COG3: variants seen among roughly 807,000 people sequenced by gnomAD.
COG3 encodes conserved oligomeric Golgi complex subunit 3.
Under a neutral mutation model 114.1 loss-of-function variants are expected in COG3, and 32 were observed. That is an observed-to-expected ratio of 0.28 (90% CI 0.21 to 0.38). The LOEUF (loss-of-function observed/expected upper bound fraction) is 0.38. COG3 is among the 10% of genes least tolerant of loss of function. COG3 has a pLI of 1.00. For missense variants in COG3, 813 were observed against 973.2 expected (o/e 0.84, Z 2.19); for synonymous variants, 352 against 365.7 (o/e 0.96, Z 0.43).
chr13:45,494,429 A>G (rs141618686), intron 12 of COG3, among the ~76,000 whole-genome samples: 18 of 151,984 alleles, frequency 1.2e-4, no homozygotes, highest in African/African-American at 4.1e-4. Context: ...TACTCTTCCA[A>G]AGTTACTCAA....
chr13:45,525,812 A>G (rs1872629177), intron 20 of COG3, among the ~76,000 whole-genome samples: 1 of 151,662 alleles, frequency 6.6e-6, no homozygotes, highest in Non-Finnish European at 1.5e-5. Flanking sequence ...CTTTGAAACT[A>G]AAATGGGCAA....
rs115403285 is a variant in COG3 at position 45,506,959 on chromosome 13, G to T, written c.1595-2733G>T. Among the ~76,000 whole-genome samples the T allele has an allele frequency of 5.9e-3, 903 of 152,322 alleles. 9 individuals carry two copies. Among genetic ancestry groups the T allele is most frequent in the African/African-American group, 0.021 (857 of 41,574 alleles). ...TTGTTCTGTATGTAGAGCAAGTAAG[G>T]GGGAGGTGAGGCCCGTGGAGGACGA... On this transcript the variant is annotated intron_variant, in intron 14 of 22. Coordinates refer to ENST00000349995, the MANE Select transcript of COG3 (RefSeq NM_031431.4).
rs79367653 is a variant in COG3, at chr13:45,509,820, C to T, written c.1719+4C>T. On this transcript the variant is annotated splice_donor_region_variant and intron_variant, in intron 15 of 22. Coordinates refer to ENST00000349995, the MANE Select transcript of COG3 (RefSeq NM_031431.4). ...CAAATTATACAGATGCATAGATGTA[C>T]GTGTATCTTTACTGTGAATTGCTCG... 54 of 1,596,478 alleles carry T rather than the reference C, an allele frequency of 3.4e-5. No individual in the cohort carries two copies. The Admixed American group carries it at 3.9e-4, about 12-fold the overall frequency.
In COG3 at chr13:45,515,388, A is replaced by G. The variant is rs535929566; in HGVS notation, c.1810-755A>G. 1.5e-3 allele frequency among the ~76,000 whole-genome samples: 233 copies of G among 152,362 alleles called. 2 individuals carry two copies. Among genetic ancestry groups the G allele is most frequent in the African/African-American group, 4.5e-3 (188 of 41,590 alleles). On this transcript the variant is annotated intron_variant, in intron 16 of 22. Transcript: ENST00000349995. ...CCTAAGGTAATATAAAAGTTTCATT[A>G]GCAATATTTTCAAAATAAGATTCTG...
intron 1 of COG3, 76 bp from the exon 2 acceptor site, chr13:45,476,125 A>G: frequency 3.6e-6 from 5 of 1,404,088 alleles, no homozygotes; most frequent in Non-Finnish European, 5.0e-6. Flanking sequence ...AACAACTGAG[A>G]TGGAAACCCA....
intron 16 of COG3, among the ~76,000 whole-genome samples, chr13:45,512,744 C>T (rs1871008439): frequency 6.6e-6 from 1 of 151,938 alleles, no homozygotes. Context: ...TCTCCTGCTT[C>T]AGCTTCCTGA....
intron 19 of COG3, among the ~76,000 whole-genome samples, chr13:45,522,925 T>C (rs1390702889): frequency 6.6e-6 from 1 of 152,222 alleles, no homozygotes; most frequent in Admixed American, 6.5e-5. Context: ...TCAAGGCAGC[T>C]GAGCCCTAGA....
At chr13:45,467,586 T>C (rs1885226804) in intron 1 of COG3, among the ~76,000 whole-genome samples, 1 of 148,132 alleles carries the variant, frequency 6.8e-6, no homozygotes, top group African/African-American at 2.7e-5. Context: ...ACAGGCAAGA[T>C]TCTGTCTCAA....
At chr13:45,500,324 A>T (rs1382185132) in intron 13 of COG3, among the ~76,000 whole-genome samples, 1 of 152,098 alleles carries the variant, frequency 6.6e-6, no homozygotes, top group Admixed American at 6.5e-5. Flanking sequence ...ATCTTGCTTA[A>T]TTAGTTTATA....
Position 45,535,460 on chromosome 13 carries a change from G to A in COG3, c.*729G>A. 1 of 985,406 alleles carries A rather than the reference G, an allele frequency of 1.0e-6. No individual in the cohort carries two copies. The highest frequency in any genetic ancestry group is 1.2e-6 in the Non-Finnish European group (1 of 829,944). 61.0% of individuals were successfully genotyped at this position (985,406 alleles called of 1,614,324 possible). On this transcript the variant is annotated 3_prime_UTR_variant, in exon 23 of 23. Coordinates refer to ENST00000349995, the MANE Select transcript of COG3 (RefSeq NM_031431.4). ...AGTATCTTTAATGAGTATCTTCATGGTATGATAGTGTGTGTTTGTGAGTGC... is the reference window on the plus strand; with the variant it reads ...AGTATCTTTAATGAGTATCTTCATGATATGATAGTGTGTGTTTGTGAGTGC...
chr13:45,498,233 GAAT>G (rs574649174), intron 13 of COG3, among the ~76,000 whole-genome samples: 80 of 151,814 alleles, frequency 5.3e-4, no homozygotes, highest in African/African-American at 1.6e-3. Flanking sequence ...ATTCTCGTAA[GAAT>G]AAAGACAATT....
intron 7 of COG3, among the ~76,000 whole-genome samples, chr13:45,484,422 T>A (rs1465032813): frequency 6.6e-6 from 1 of 152,128 alleles, no homozygotes; most frequent in Non-Finnish European, 1.5e-5. Flanking sequence ...TGGCAGAATG[T>A]GAATCTCAAT....
At chr13:45,511,729 A>G (rs2985970) in intron 15 of COG3, 36 bp from the exon 16 acceptor site, 1,339,657 of 1,509,540 alleles carry the variant, frequency 0.89, 595,226 homozygotes, top group Admixed American at 0.93. Flanking sequence ...GTTTTGTCAA[A>G]TGCCACAGGC....
intron 13 of COG3, 99 bp downstream of exon 13, chr13:45,496,411 G>A (rs1338053469): frequency 1.2e-5 from 12 of 964,214 alleles, no homozygotes; most frequent in Non-Finnish European, 1.4e-5. Context: ...ATAGAGACAG[G>A]GTTTCCCCTT....
intron 20 of COG3, among the ~76,000 whole-genome samples, chr13:45,527,008 AT>A (rs1872755909): frequency 6.6e-6 from 1 of 152,190 alleles, no homozygotes; most frequent in African/African-American, 2.4e-5. Context: ...TATTTTGAAC[AT>A]TTATGTAAAT....
intron 20 of COG3, among the ~76,000 whole-genome samples, chr13:45,527,999 T>G (rs561567482): frequency 1.3e-5 from 2 of 152,276 alleles, no homozygotes; most frequent in Non-Finnish European, 2.9e-5. Context: ...ATTCCTAGCC[T>G]CTAGATGTTT....
At chr13:45,481,583 G>A (rs1466074475) in intron 5 of COG3, among the ~76,000 whole-genome samples, 1 of 152,256 alleles carries the variant, frequency 6.6e-6, no homozygotes, top group South Asian at 2.1e-4. Context: ...GAAGAAGATT[G>A]TAAGAAGAAA....
At chr13:45,493,306 A>G in intron 11 of COG3, 41 bp from the exon 12 acceptor site, 3 of 1,526,336 alleles carry the variant, frequency 2.0e-6, no homozygotes, top group Non-Finnish European at 2.7e-6. Flanking sequence ...AAAATCCTGA[A>G]AAAACTACTA....
chr13:45,516,039 G>T, intron 16 of COG3, 104 bp from the exon 17 acceptor site: 1 of 764,980 alleles, frequency 1.3e-6, no homozygotes, highest in Non-Finnish European at 1.9e-6. Flanking sequence ...GACACCATAG[G>T]CTGTAAACCT....
Sources: gnomAD v4.1 joint callset for allele counts (sites outside exome capture counted in the v4.1 genomes callset) on GRCh38, gnomAD v4.1.1 for gene constraint, MANE v1.5 for transcripts, NCBI Gene and HGNC (gene_info 2026-07-23, HGNC 2026-07-21) for gene names.